Variants in CEP43 observed in about 807,000 individuals in gnomAD.
CEP43 encodes FGFR1 oncogene partner.
In CEP43, 36 loss-of-function variants were observed where a neutral mutation model predicts 52.6. That is an observed-to-expected ratio of 0.68 (90% CI 0.52 to 0.90). The LOEUF is 0.90. CEP43 is among the 40% of genes least tolerant of loss of function. The probability of loss-of-function intolerance (pLI) is 0.00; values close to 1 mark genes in which losing one functional copy is unlikely to be tolerated. For missense variants in CEP43, 506 were observed against 472.8 expected (o/e 1.07, Z -0.65); for synonymous variants, 192 against 172.4 (o/e 1.11, Z -0.89).
At chr6:167,003,309 G>T in intron 3 of CEP43, 62 bp downstream of exon 3, 1 of 914,848 alleles carries the variant, frequency 1.1e-6, no homozygotes, top group South Asian at 1.8e-5. Context: ...GATACCATTT[G>T]GGAGAAATCA....
intron 6 of CEP43, among the ~76,000 whole-genome samples, chr6:167,012,950 A>G (rs9457249): frequency 0.37 from 56,934 of 152,102 alleles, 11,270 homozygotes; most frequent in Non-Finnish European, 0.46. Context: ...GTTCTAAAAT[A>G]AACCCTTATT....
intron 9 of CEP43, 156 bp downstream of exon 9, chr6:167,025,050 T>G (rs1780324278): frequency 1.7e-6 from 1 of 595,968 alleles, no homozygotes; most frequent in South Asian, 2.2e-5. Context: ...TTGTTGTGTT[T>G]TGTTACTTCT....
At position 167,041,476 on chromosome 6, in the gene CEP43, G is replaced by T; in HGVS notation, c.*1498G>T. The T allele has an allele frequency of 9.4e-7, 1 of 1,059,016 alleles. No individual in the cohort carries two copies. Among genetic ancestry groups the T allele is most frequent in the Non-Finnish European group, 1.1e-6 (1 of 875,364 alleles). The allele number at this position is 1,059,016 out of a possible 1,614,324, so 65.6% of individuals were successfully genotyped here. A position where few individuals can be genotyped will look rare whatever the true frequency, so the allele number is the denominator to read the frequency against. On this transcript the variant is annotated 3_prime_UTR_variant, in exon 13 of 13. Transcript: ENST00000366847. ...CATGTCTTAGTAAACAGCACCACGT[G>T]CAGATGTAATCTTGTTGCAGTCCCC...
At position 167,003,819 on chromosome 6, in the gene CEP43, T is replaced by G; in HGVS notation, c.300+8T>G. 1 of 1,530,874 alleles carries G rather than the reference T, an allele frequency of 6.5e-7. No homozygotes were observed. The highest frequency in any genetic ancestry group is 1.7e-5 in the Admixed American group (1 of 59,318). The allele number at this position is 1,530,874 out of a possible 1,614,324, so 94.8% of individuals were successfully genotyped here. A position where few individuals can be genotyped will look rare whatever the true frequency, so the allele number is the denominator to read the frequency against. On this transcript the variant is annotated splice_region_variant and intron_variant, in intron 4 of 12. Coordinates refer to ENST00000366847, the MANE Select transcript of CEP43 (RefSeq NM_007045.4). Reference sequence around the variant, plus strand: ...CAACCTGAAACTAGCACAGTAAGAATAATGATTTTTACATCTATCTTTTGA... The same window carrying G: ...CAACCTGAAACTAGCACAGTAAGAAGAATGATTTTTACATCTATCTTTTGA...
intron 10 of CEP43, among the ~76,000 whole-genome samples, chr6:167,029,701 C>G (rs1184484152): frequency 6.6e-6 from 1 of 152,246 alleles, no homozygotes; most frequent in Non-Finnish European, 1.5e-5. Context: ...TCTCATGTGT[C>G]TGTCTGAAGA....
At chr6:167,038,840 G>GT (rs1172759215) in intron 12 of CEP43, among the ~76,000 whole-genome samples, 1 of 152,098 alleles carries the variant, frequency 6.6e-6, no homozygotes, top group Admixed American at 6.5e-5. Context: ...GGAACAGGTG[G>GT]TGTTTGGTTG....
intron 5 of CEP43, among the ~76,000 whole-genome samples, chr6:167,006,895 C>G (rs916030254): frequency 6.6e-6 from 1 of 152,190 alleles, no homozygotes; most frequent in Non-Finnish European, 1.5e-5. Context: ...ATAGTATATT[C>G]GAATCCTGTG....
At chr6:167,024,658 A>G (rs1451101404) in intron 8 of CEP43, 124 bp from the exon 9 acceptor site, 2 of 722,822 alleles carry the variant, frequency 2.8e-6, no homozygotes, top group Non-Finnish European at 4.8e-6. Flanking sequence ...TAAAGTGTAT[A>G]TTCTTGATTT....
At chr6:167,014,784 G>A (rs953548389) in intron 7 of CEP43, among the ~76,000 whole-genome samples, 1 of 152,128 alleles carries the variant, frequency 6.6e-6, no homozygotes, top group Non-Finnish European at 1.5e-5. Flanking sequence ...GAAAGTTATT[G>A]TGTGTTAATG....
chr6:167,030,847 T>TC (rs1273611267), intron 10 of CEP43, among the ~76,000 whole-genome samples: 6 of 129,632 alleles, frequency 4.6e-5, no homozygotes, highest in Non-Finnish European at 1.1e-4. Flanking sequence ...ACTCCTGTCT[T>TC]CCCCCACCCC....
intron 1 of CEP43, chr6:166,999,768 G>A (rs942652752): frequency 2.1e-5 from 11 of 524,214 alleles, no homozygotes; most frequent in African/African-American, 8.1e-5. Flanking sequence ...CGTGGGGGCG[G>A]GACCGCGGGG....
rs1780832350 is a variant in CEP43, at chr6:167,048,537, T to C, written c.*8559T>C. The C allele has an allele frequency of 6.6e-6, 1 of 152,022 alleles. No individual in the cohort carries two copies. The allele number at this position is 152,022 out of a possible 1,614,324, so 9.4% of individuals were successfully genotyped here. On this transcript the variant is annotated 3_prime_UTR_variant, in exon 13 of 13. Transcript: ENST00000366847. ...GCCTGGGTGACAGAGTAAGACCCTA[T>C]CTCAAAAAAAAGAACTAATTGTAAC...
At chr6:167,036,422 G>A (rs1780585911) in intron 12 of CEP43, 1 of 985,308 alleles carries the variant, frequency 1.0e-6, no homozygotes, top group Non-Finnish European at 1.2e-6. Context: ...TAGGAGCAGA[G>A]GCCCTGGGGA....
rs915811019 is a variant in CEP43, at chr6:167,044,682, G to A, written c.*4704G>A. On this transcript the variant is annotated 3_prime_UTR_variant, in exon 13 of 13. Coordinates refer to ENST00000366847, the MANE Select transcript of CEP43 (RefSeq NM_007045.4). ...ATGAACCCCCGAACAAGGTAAGGTC[G>A]AGCTGGCCCCTCGTGTCATCCGACT... is the stretch of plus-strand genomic sequence containing the variant. 6 of 444,066 alleles carry A rather than the reference G, an allele frequency of 1.4e-5. No homozygotes were observed. The highest frequency in any genetic ancestry group is 6.4e-5 in the Admixed American group (1 of 15,600). The allele number at this position is 444,066 out of a possible 1,614,324, so 27.5% of individuals were successfully genotyped here.
In CEP43 at chr6:167,003,626, T is replaced by G; in HGVS notation, c.212-97T>G. The G allele has an allele frequency of 7.1e-6, 5 of 703,716 alleles. No individual in the cohort carries two copies. The South Asian group carries it at 9.5e-5, about 13-fold the overall frequency. The allele number at this position is 703,716 out of a possible 1,614,324, so 43.6% of individuals were successfully genotyped here. A position where few individuals can be genotyped will look rare whatever the true frequency, so the allele number is the denominator to read the frequency against. On this transcript the variant is annotated intron_variant, in intron 3 of 12. Transcript: ENST00000366847. ...TTGTAACTTAAAAAATTTAGAAACC[T>G]TTCTTCCATTAATTTAGTGTATCTA...
intron 7 of CEP43, among the ~76,000 whole-genome samples, chr6:167,016,738 G>T (rs1780108725): frequency 6.6e-6 from 1 of 152,128 alleles, no homozygotes; most frequent in Non-Finnish European, 1.5e-5. Context: ...ATGGATGCAT[G>T]AATGTTCCCA....
chr6:167,022,622 A>C lies in CEP43; in HGVS notation c.793A>C (p.Lys265Gln). ...FFDDPIPKPE[K>Q]TYGLRKEPRK... ...TGATGATCCCATTCCTAAGCCAGAG[A>C]AAACTTACGGTTTGTGAGTAAATGG... The change falls in exon 8 of 13, where the codon AAA becomes CAA. Residue 265 changes from lysine to glutamine, a missense_variant. Lys to Gln is a moderately conservative substitution (Grantham distance 53, BLOSUM62 1). Coordinates refer to ENST00000366847, the MANE Select transcript of CEP43 (RefSeq NM_007045.4). The C allele has an allele frequency of 6.2e-7, 1 of 1,612,648 alleles. No individual in the cohort carries two copies. The highest frequency in any genetic ancestry group is 8.5e-7 in the Non-Finnish European group (1 of 1,178,776).
intron 2 of CEP43, among the ~76,000 whole-genome samples, chr6:167,000,766 G>A (rs1305529009): frequency 6.6e-6 from 1 of 152,156 alleles, no homozygotes; most frequent in Admixed American, 6.6e-5. Flanking sequence ...TTCCATGTCT[G>A]TGCAGGCATC....
chr6:167,024,560 G>C (rs543976980), intron 8 of CEP43, among the ~76,000 whole-genome samples: 77 of 152,264 alleles, frequency 5.1e-4, no homozygotes, highest in African/African-American at 1.6e-3. Context: ...CTAAAGAGAG[G>C]TGAGCTGATT....
Sources: gnomAD v4.1 joint callset for allele counts (sites outside exome capture counted in the v4.1 genomes callset) on GRCh38, gnomAD v4.1.1 for gene constraint, MANE v1.5 for transcripts, NCBI Gene and HGNC (gene_info 2026-07-23, HGNC 2026-07-21) for gene names.